The following CACNA1A variants were observed in gnomAD, a reference collection of about 807,000 sequenced individuals.
The protein encoded by CACNA1A is calcium voltage-gated channel subunit alpha1 A.
A neutral mutation model predicts 262.4 loss-of-function variants in CACNA1A; 57 were observed. The observed-to-expected ratio is 0.22, with a 90% CI of 0.18 to 0.27. CACNA1A has a LOEUF of 0.27. CACNA1A is among the 10% of genes least tolerant of loss of function. The pLI is 1.00. For synonymous variants in CACNA1A, 1,431 were observed against 1,419.3 expected (o/e 1.01, Z -0.18); for missense variants, 2,526 against 3,562.8 (o/e 0.71, Z 7.41).
chr19:13,405,187 C>T (rs914013556), intron 3 of CACNA1A, among the ~76,000 whole-genome samples: 3 of 150,546 alleles, frequency 2.0e-5, no homozygotes, highest in East Asian at 2.0e-4. Context: ...TGAGCCAGCG[C>T]GCCCGGCCAT....
chr19:13,321,592 G>A (rs988358069), intron 10 of CACNA1A, among the ~76,000 whole-genome samples: 6 of 152,050 alleles, frequency 3.9e-5, no homozygotes, highest in Admixed American at 6.5e-5. Flanking sequence ...GTAGCTCCTC[G>A]GCTACAAACC....
At chr19:13,285,035 G>C (rs767823051) in intron 21 of CACNA1A, 33 bp downstream of exon 21, 120 of 1,611,700 alleles carry the variant, frequency 7.4e-5, no homozygotes, top group Non-Finnish European at 2.7e-5. Flanking sequence ...GGAGCCCCAG[G>C]CCCCCCCTGC....
chr19:13,251,356 A>G (rs1023396042), intron 30 of CACNA1A, among the ~76,000 whole-genome samples: 3 of 151,748 alleles, frequency 2.0e-5, no homozygotes, highest in East Asian at 3.9e-4. Flanking sequence ...GGTGGCAGGC[A>G]CCTGTAGTCC....
rs1491139818 is a variant in CACNA1A at position 13,212,848 on chromosome 19, ACT to A, written c.5941-110_5941-109del. ...AGTATACACACACACACACACACAC[ACT>A]CTCTCAGGTCTCATCCATCTAGACC... On this transcript the variant is annotated intron_variant, in intron 40 of 46. Coordinates refer to ENST00000360228, the MANE Select transcript of CACNA1A (RefSeq NM_001127222.2). This position sits in a 1 kb window ranked among gnomAD's most constrained non-coding sequence, Gnocchi z 5.6. 3.3e-5 allele frequency: 18 copies of A among 542,102 alleles called. No individual in the cohort carries two copies. The highest frequency in any genetic ancestry group is 3.1e-4 in the Admixed American group (9 of 28,882). 33.6% of individuals were successfully genotyped at this position (542,102 alleles called of 1,614,324 possible). A position where few individuals can be genotyped will look rare whatever the true frequency, so the allele number is the denominator to read the frequency against.
At position 13,375,141 on chromosome 19, in the gene CACNA1A, C is replaced by T. The variant is rs74362261; in HGVS notation, c.540-3362G>A. Among the ~76,000 whole-genome samples, 662 of 152,160 alleles carry T rather than the reference C, an allele frequency of 4.4e-3. 3 individuals are homozygous for T. The highest frequency in any genetic ancestry group is 7.6e-3 in the Non-Finnish European group (516 of 67,998). On this transcript the variant is annotated intron_variant, in intron 3 of 46. Transcript: ENST00000360228. ...CTGTGTCACACTCTGGTAATTCTTA[C>T]GGTATTTCAAACTTTTACATAATTA...
chr19:13,397,700 T>G (rs1242610978), intron 3 of CACNA1A, among the ~76,000 whole-genome samples: 2 of 152,160 alleles, frequency 1.3e-5, no homozygotes, highest in Non-Finnish European at 2.9e-5. Context: ...GATGCTCAGT[T>G]AGACTCCATT....
chr19:13,492,395 T>C (rs1980995984), intron 1 of CACNA1A, among the ~76,000 whole-genome samples: 1 of 152,058 alleles, frequency 6.6e-6, no homozygotes, highest in Admixed American at 6.6e-5. Flanking sequence ...AGATGTAAAA[T>C]CAAGGGAGGG....
intron 3 of CACNA1A, among the ~76,000 whole-genome samples, chr19:13,410,920 A>G (rs1488888290): frequency 6.6e-6 from 1 of 151,296 alleles, no homozygotes; most frequent in Non-Finnish European, 1.5e-5. Flanking sequence ...ATCTTCCCCA[A>G]CCTCTTTAAT....
In CACNA1A at chr19:13,208,774, C is replaced by A. The variant is rs1173483841; in HGVS notation, c.6762G>T (p.Glu2254Asp). The A allele has an allele frequency of 6.4e-7, 1 of 1,572,724 alleles. No homozygotes were observed. The highest frequency in any genetic ancestry group is 1.3e-5 in the African/African-American group (1 of 74,490). ...CACCCACCTGCCGGTGCGCCATGTG[C>A]TCTCGGCCCTCGCTGGGCGAGCGGG... The part of the protein sequence containing the change: ...RWSRSPSEGR[E>D]HMAHRQGSSS... Residue 2254 changes from glutamate to aspartate, a missense_variant, in exon 46 of 47, where the codon GAG becomes GAT. By Grantham distance (45) the Glu-to-Asp change is conservative. Transcript: ENST00000360228.
chr19:13,259,415 A>G (rs1256048141), intron 27 of CACNA1A, 149 bp downstream of exon 27: 4 of 469,578 alleles, frequency 8.5e-6, no homozygotes, highest in Non-Finnish European at 1.4e-5. Context: ...CAAGTGATAC[A>G]TCTGCCTTGG....
At chr19:13,293,809 T>A (rs1162950800) in intron 19 of CACNA1A, among the ~76,000 whole-genome samples, 2 of 138,900 alleles carry the variant, frequency 1.4e-5, no homozygotes, top group Admixed American at 1.6e-4. Flanking sequence ...ATCTTCATTT[T>A]ATAGATGAGG....
chr19:13,435,721 G>T (rs1341023488), intron 3 of CACNA1A, among the ~76,000 whole-genome samples: 1 of 152,148 alleles, frequency 6.6e-6, no homozygotes, highest in East Asian at 1.9e-4. Flanking sequence ...CACTCGGCTG[G>T]GCACTGGAGA....
At chr19:13,334,149 C>T (rs896959574) in intron 8 of CACNA1A, 21 of 509,776 alleles carry the variant, frequency 4.1e-5, no homozygotes, top group Middle Eastern at 1.1e-3. Flanking sequence ...TGTAAACCAG[C>T]GTCTGATTTC....
intron 3 of CACNA1A, among the ~76,000 whole-genome samples, chr19:13,398,544 C>A (rs1464520740): frequency 6.6e-6 from 1 of 152,144 alleles, no homozygotes; most frequent in Non-Finnish European, 1.5e-5. Flanking sequence ...GTTGAATGAG[C>A]TATCAGCTTC....
rs568800471 is a variant in CACNA1A, at chr19:13,390,065, G to A, written c.540-18286C>T. Among the ~76,000 whole-genome samples, 7 of 151,794 alleles carry A rather than the reference G, an allele frequency of 4.6e-5. No homozygotes were observed. The East Asian group carries it at 9.7e-4, about 21-fold the overall frequency. On this transcript the variant is annotated intron_variant, in intron 3 of 46. Coordinates refer to ENST00000360228, the MANE Select transcript of CACNA1A (RefSeq NM_001127222.2). ...CCTGACCTCACAATCTGCCCATCTC[G>A]GCTTCCCAAAGTGCTGGGATTACAG...
At chr19:13,419,365 T>G (rs1482663579) in intron 3 of CACNA1A, among the ~76,000 whole-genome samples, 1 of 152,204 alleles carries the variant, frequency 6.6e-6, no homozygotes, top group Non-Finnish European at 1.5e-5. Context: ...AAATCGCCTA[T>G]TGACTCAGTT....
intron 3 of CACNA1A, among the ~76,000 whole-genome samples, chr19:13,402,741 T>TAC (rs1469659935): frequency 1.4e-5 from 2 of 144,968 alleles, no homozygotes; most frequent in Non-Finnish European, 3.0e-5. Flanking sequence ...TACATATATA[T>TAC]ACACATATAT....
chr19:13,436,113 C>T (rs1394350707), intron 3 of CACNA1A, among the ~76,000 whole-genome samples: 1 of 152,218 alleles, frequency 6.6e-6, no homozygotes. Context: ...GTGTGAGCCA[C>T]CGTGCCTGGC....
intron 11 of CACNA1A, among the ~76,000 whole-genome samples, chr19:13,314,780 G>A (rs1385224503): frequency 2.0e-5 from 3 of 152,152 alleles, no homozygotes; most frequent in East Asian, 1.9e-4. Flanking sequence ...TGAACTGACC[G>A]TCAAAGTCCT....
Sources: gnomAD v4.1 joint callset for allele counts (sites outside exome capture counted in the v4.1 genomes callset) on GRCh38, gnomAD v4.1.1 for gene constraint, Gnocchi (gnomAD v3.1) non-coding constraint, MANE v1.5 for transcripts, NCBI Gene and HGNC (gene_info 2026-07-23, HGNC 2026-07-21) for gene names.